Variants in SMAD5 observed in about 807,000 individuals in gnomAD.
SMAD5 encodes the protein MAD, mothers against decapentaplegic homolog 5.
Under a neutral mutation model 43.1 loss-of-function variants are expected in SMAD5, and 9 were observed. The ratio of observed to expected loss-of-function variants is 0.21; its 90% CI spans 0.13 to 0.36. The LOEUF (loss-of-function observed/expected upper bound fraction) is 0.36. SMAD5 is among the 10% of genes least tolerant of loss of function. The probability of loss-of-function intolerance (pLI) is 1.00; values close to 1 mark genes in which losing one functional copy is unlikely to be tolerated. For synonymous variants in SMAD5, 190 were observed against 192.4 expected (o/e 0.99, Z 0.10); for missense variants, 348 against 574.0 (o/e 0.61, Z 4.02).
Position 136,182,255 on chromosome 5 carries a change from G to C in SMAD5, c.*4775G>C, listed in dbSNP as rs1426794905. The stretch of plus-strand genomic sequence containing the variant: ...GTGGAAAAAAAAAAAAAATCTTTTA[G>C]GGTCAGATTTTCCCTTCTAATATCA... On this transcript the variant is annotated 3_prime_UTR_variant, in exon 8 of 8. Transcript: ENST00000545279. The C allele has an allele frequency of 6.6e-6, 1 of 150,962 alleles. No individual in the cohort carries two copies. The highest frequency in any genetic ancestry group is 1.9e-4 in the East Asian group (1 of 5,178). The allele number at this position is 150,962 out of a possible 1,614,324, so 9.4% of individuals were successfully genotyped here. A position where few individuals can be genotyped will look rare whatever the true frequency, so the allele number is the denominator to read the frequency against.
intron 2 of SMAD5, among the ~76,000 whole-genome samples, chr5:136,149,549 G>T (rs1753379711): frequency 6.7e-6 from 1 of 149,136 alleles, no homozygotes. Flanking sequence ...GGTAGTTTTT[G>T]TTTTCTTTTT....
intron 5 of SMAD5, among the ~76,000 whole-genome samples, chr5:136,167,726 C>T (rs558305036): frequency 6.8e-5 from 10 of 148,046 alleles, no homozygotes; most frequent in Admixed American, 1.4e-4. Context: ...TGCAGTGAGC[C>T]GAGATCATGC....
intron 5 of SMAD5, among the ~76,000 whole-genome samples, chr5:136,167,652 C>T (rs1754067806): frequency 6.6e-6 from 1 of 151,560 alleles, no homozygotes; most frequent in African/African-American, 2.4e-5. Flanking sequence ...CTGGTGGGTG[C>T]TTGTAATCCC....
intron 2 of SMAD5, among the ~76,000 whole-genome samples, chr5:136,150,697 A>G (rs1445505565): frequency 6.6e-6 from 1 of 151,922 alleles, no homozygotes; most frequent in Non-Finnish European, 1.5e-5. Flanking sequence ...GAAGGTGTGT[A>G]TAGTGGAAGA....
At chr5:136,140,947 AT>A (rs1394463531) in intron 1 of SMAD5, among the ~76,000 whole-genome samples, 1 of 152,066 alleles carries the variant, frequency 6.6e-6, no homozygotes, top group African/African-American at 2.4e-5. Context: ...TTTTTTAAAG[AT>A]TATATTCTAG....
chr5:136,137,224 TTAACA>T (rs1752914817), intron 1 of SMAD5, among the ~76,000 whole-genome samples: 1 of 151,254 alleles, frequency 6.6e-6, no homozygotes, highest in Admixed American at 6.6e-5. Context: ...AAGCTAGTTA[TTAACA>T]TAACATTTTG....
At chr5:136,136,505 G>C (rs13187638) in intron 1 of SMAD5, among the ~76,000 whole-genome samples, 54,773 of 152,046 alleles carry the variant, frequency 0.36, 10,850 homozygotes, top group African/African-American at 0.54. Context: ...CTAATCAGAA[G>C]TCTGAATCTG....
In SMAD5 at chr5:136,138,406, C is replaced by T. The variant is rs528796982; in HGVS notation, c.-245+5444C>T. The stretch of plus-strand genomic sequence containing the variant: ...TGTTTCTCTGTGAAAATAATTTTGG[C>T]GCCCATGTAATTGTATCCTGTCTTT... On this transcript the variant is annotated intron_variant, in intron 1 of 7. Coordinates refer to ENST00000545279, the MANE Select transcript of SMAD5 (RefSeq NM_005903.7). Among the ~76,000 whole-genome samples, 14 of 152,248 alleles carry T rather than the reference C, an allele frequency of 9.2e-5. No homozygotes were observed. The East Asian group carries it at 2.7e-3, about 29-fold the overall frequency.
intron 1 of SMAD5, among the ~76,000 whole-genome samples, chr5:136,135,147 A>G (rs1287108947): frequency 6.6e-6 from 1 of 152,250 alleles, no homozygotes; most frequent in East Asian, 1.9e-4. Flanking sequence ...AAAGTCAGCT[A>G]TTAATTTCAG....
intron 6 of SMAD5, among the ~76,000 whole-genome samples, chr5:136,173,584 T>C (rs2149781087): frequency 6.6e-6 from 1 of 152,220 alleles, no homozygotes; most frequent in African/African-American, 2.4e-5. Flanking sequence ...ATTTTTTTTT[T>C]CTTCCATCAC....
chr5:136,161,616 A>G (rs965783791), intron 4 of SMAD5, among the ~76,000 whole-genome samples: 4 of 152,274 alleles, frequency 2.6e-5, no homozygotes. Context: ...TTTAGAAGTT[A>G]AAATGAATCC....
intron 1 of SMAD5, among the ~76,000 whole-genome samples, chr5:136,138,861 C>T (rs967087731): frequency 6.6e-6 from 1 of 152,082 alleles, no homozygotes; most frequent in Admixed American, 6.5e-5. Flanking sequence ...AGGGATGGTT[C>T]TAAGGAATTT....
Position 136,181,903 on chromosome 5 carries a change from A to G in SMAD5, c.*4423A>G, listed in dbSNP as rs370684971. 7.9e-5 allele frequency: 12 copies of G among 152,200 alleles called. No individual in the cohort carries two copies. The highest frequency in any genetic ancestry group is 2.7e-4 in the African/African-American group (11 of 41,462). The allele number at this position is 152,200 out of a possible 1,614,324, so 9.4% of individuals were successfully genotyped here. A position where few individuals can be genotyped will look rare whatever the true frequency, so the allele number is the denominator to read the frequency against. ...TTCTGTTTTGAAGAGCACATGCTAT[A>G]TAATAATTGCTAGTAGCAACTGCAG... On this transcript the variant is annotated 3_prime_UTR_variant, in exon 8 of 8. Transcript: ENST00000545279.
chr5:136,143,478 T>C (rs1302339792), intron 1 of SMAD5, among the ~76,000 whole-genome samples: 1 of 152,082 alleles, frequency 6.6e-6, no homozygotes, highest in Non-Finnish European at 1.5e-5. Context: ...GCAGTCTGAC[T>C]CCTTAGCCTT....
At chr5:136,135,721 T>G (rs979571623) in intron 1 of SMAD5, among the ~76,000 whole-genome samples, 2 of 152,242 alleles carry the variant, frequency 1.3e-5, no homozygotes, top group African/African-American at 2.4e-5. Context: ...TATGTTGGTC[T>G]AGGCAATGAG....
intron 1 of SMAD5, among the ~76,000 whole-genome samples, chr5:136,142,317 AAG>A (rs1753109871): frequency 6.6e-6 from 1 of 152,286 alleles, no homozygotes; most frequent in East Asian, 1.9e-4. Flanking sequence ...CTTGAGCTGA[AAG>A]AGAGGTGAGG....
Position 136,160,966 on chromosome 5 carries a change from A to G in SMAD5, c.514A>G (p.Thr172Ala). Residue 172 changes from threonine (T) to alanine (A), a missense_variant, in exon 4 of 8, where the codon ACG becomes GCG. Physicochemically the swap from Thr to Ala is moderately conservative, Grantham distance 58. Coordinates refer to ENST00000545279, the MANE Select transcript of SMAD5 (RefSeq NM_005903.7). ...HNEPHMPQNA[T>A]FPDSFHQPNN... ...TGAACCACACATGCCACAAAATGCC[A>G]CGTTTCCAGATTCTTTCCACCAGCC... is the stretch of plus-strand genomic sequence containing the variant. 1 of 1,613,908 alleles carries G rather than the reference A, an allele frequency of 6.2e-7. No homozygotes were observed. The highest frequency in any genetic ancestry group is 8.5e-7 in the Non-Finnish European group (1 of 1,179,868).
chr5:136,159,198 TG>T (rs1753748029), intron 3 of SMAD5, among the ~76,000 whole-genome samples: 1 of 152,222 alleles, frequency 6.6e-6, no homozygotes, highest in African/African-American at 2.4e-5. Context: ...AACTCTATTT[TG>T]GGGATGGGAG....
In SMAD5 at chr5:136,177,102, G is replaced by T. The variant is rs144341926; in HGVS notation, c.1255-235G>T. On this transcript the variant is annotated intron_variant, in intron 7 of 7. Coordinates refer to ENST00000545279, the MANE Select transcript of SMAD5 (RefSeq NM_005903.7). Reference sequence around the variant, plus strand: ...ATTATGAACTATAACTGGCTCTAAGGGTTTCTTTTAAGGGAATTATATATT... The same window carrying T: ...ATTATGAACTATAACTGGCTCTAAGTGTTTCTTTTAAGGGAATTATATATT... Among the ~76,000 whole-genome samples the T allele has an allele frequency of 2.0e-5, 3 of 151,888 alleles. No individual in the cohort carries two copies. In the South Asian group the frequency reaches 6.2e-4, roughly 32 times the overall value.
Sources: allele counts gnomAD v4.1 joint callset (sites outside exome capture counted in the v4.1 genomes callset), GRCh38; gene constraint gnomAD v4.1.1; transcripts MANE v1.5; gene names NCBI Gene and HGNC (gene_info 2026-07-23, HGNC 2026-07-21).